The following CASD1 variants were observed in gnomAD, a reference collection of about 807,000 sequenced individuals.
CASD1 encodes the protein N-acetylneuraminate (7)9-O-acetyltransferase.
Under a neutral mutation model 100.0 loss-of-function variants are expected in CASD1, and 41 were observed. The observed-to-expected ratio is 0.41, with a 90% CI of 0.32 to 0.53. CASD1 has a LOEUF of 0.53. Among genes scored for constraint, CASD1 ranks in the 20% least tolerant of loss-of-function variants. The probability of loss-of-function intolerance (pLI) is 0.25; values close to 1 mark genes in which losing one functional copy is unlikely to be tolerated. For missense variants in CASD1, 774 were observed against 948.7 expected (o/e 0.82, Z 2.42); for synonymous variants, 321 against 315.6 (o/e 1.02, Z -0.18).
chr7:94,619,238 G>T, the CASD1 span: 1 of 283,924 alleles, frequency 3.5e-6, no homozygotes, highest in Non-Finnish European at 6.6e-6. Context: ...ACTAAGAAAA[G>T]CTAAATCTAC....
At chr7:94,518,964 T>A (rs189501173) in intron 3 of CASD1, among the ~76,000 whole-genome samples, 19 of 152,250 alleles carry the variant, frequency 1.2e-4, no homozygotes, top group Admixed American at 1.1e-3. Context: ...ATTCAAATAT[T>A]AGGTTAAAGA....
the CASD1 span, among the ~76,000 whole-genome samples, chr7:94,592,051 T>C: frequency 2.6e-5 from 4 of 152,188 alleles, no homozygotes; most frequent in African/African-American, 7.2e-5. Flanking sequence ...CATCCCCTGA[T>C]TGGGTACAAC....
At chr7:94,527,960 A>G (rs1220721889) in intron 4 of CASD1, among the ~76,000 whole-genome samples, 1 of 152,184 alleles carries the variant, frequency 6.6e-6, no homozygotes, top group African/African-American at 2.4e-5. Context: ...TAAGTTTTTA[A>G]AAGATTGCTC....
the CASD1 span, among the ~76,000 whole-genome samples, chr7:94,564,569 A>T: frequency 1.3e-5 from 2 of 152,202 alleles, no homozygotes; most frequent in African/African-American, 4.8e-5. Flanking sequence ...AATTCCAATT[A>T]TACATTCAGG....
chr7:94,615,367 TAGATAGATAGA>T, the CASD1 span, among the ~76,000 whole-genome samples: 1 of 1,624 alleles, frequency 6.2e-4, no homozygotes, highest in Non-Finnish European at 1.0e-3. Context: ...TCAAAATAAA[TAGATAGATAGA>T]TAGATAGATA....
chr7:94,526,373 C>A (rs1794566190), intron 3 of CASD1, among the ~76,000 whole-genome samples: 2 of 152,216 alleles, frequency 1.3e-5, no homozygotes, highest in African/African-American at 4.8e-5. Context: ...TTGGGAAATT[C>A]AGCCTGGAAG....
the CASD1 span, among the ~76,000 whole-genome samples, chr7:94,594,154 C>T: frequency 4.6e-5 from 7 of 151,928 alleles, no homozygotes; most frequent in South Asian, 2.1e-4. Context: ...TGAGGTACAC[C>T]GGTCAAATAC....
the CASD1 span, chr7:94,598,265 C>T: frequency 1.1e-5 from 2 of 177,862 alleles, no homozygotes; most frequent in Non-Finnish European, 2.4e-5. Flanking sequence ...AAGGTTTGCA[C>T]TAATAAAATA....
the CASD1 span, among the ~76,000 whole-genome samples, chr7:94,606,775 C>T: frequency 2.0e-5 from 3 of 151,956 alleles, no homozygotes; most frequent in South Asian, 2.1e-4. Context: ...TCTCAGACCC[C>T]GGTAGAATTA....
the CASD1 span, among the ~76,000 whole-genome samples, chr7:94,632,469 A>G: frequency 3.6e-4 from 55 of 152,236 alleles, no homozygotes; most frequent in South Asian, 2.1e-3. Flanking sequence ...CCTTTCAGCA[A>G]TCTGCTGAAC....
chr7:94,544,510 G>A lies in CASD1; in HGVS notation c.1456G>A (p.Gly486Arg). 21 of 1,612,614 alleles carry A rather than the reference G, an allele frequency of 1.3e-5. No individual in the cohort carries two copies. Among genetic ancestry groups the A allele is most frequent in the Non-Finnish European group, 1.7e-5 (20 of 1,179,208 alleles). Residue 486 changes from glycine (G) to arginine (R), a missense_variant, in exon 11 of 18, where the codon GGA becomes AGA. Gly to Arg is a moderately radical substitution (Grantham distance 125). This residue lies in a region of CASD1 where 453 missense variants were observed against 532.6 expected (regional missense o/e 0.85). Transcript: ENST00000297273. ...FSYFWIKGDF[G>R]IYRVCQVLFR... ...ATACTTTTGGATAAAAGGAGATTTT[G>A]GAATCTATAGAGTATGTCAGGTAGG...
chr7:94,574,691 C>T, the CASD1 span, among the ~76,000 whole-genome samples: 1 of 151,704 alleles, frequency 6.6e-6, no homozygotes, highest in Non-Finnish European at 1.5e-5. Context: ...AATTCCTGAG[C>T]CGGGTGTGGT....
At chr7:94,533,846 G>A in intron 7 of CASD1, 44 bp downstream of exon 7, 1 of 1,466,794 alleles carries the variant, frequency 6.8e-7, no homozygotes, top group Non-Finnish European at 9.1e-7. Context: ...TGTATATTTT[G>A]AAGCATGGGT....
chr7:94,586,282 T>C, the CASD1 span, among the ~76,000 whole-genome samples: 2 of 152,074 alleles, frequency 1.3e-5, no homozygotes, highest in African/African-American at 4.8e-5. Context: ...TGTAGCTGCC[T>C]CTATGCAGTA....
the CASD1 span, chr7:94,603,473 C>A: frequency 1.2e-6 from 2 of 1,609,788 alleles, no homozygotes; most frequent in Non-Finnish European, 1.7e-6. Context: ...GTGAAACTCT[C>A]AGGTTATCCT....
At position 94,537,787 on chromosome 7, in the gene CASD1, G is replaced by A. The variant is rs1562942676; in HGVS notation, c.1159G>A (p.Ala387Thr). 6.2e-7 allele frequency: 1 copy of A among 1,612,736 alleles called. No individual in the cohort carries two copies. The highest frequency in any genetic ancestry group is 1.3e-5 in the African/African-American group (1 of 74,838). ...IMAYFYMCDRANLFMKENKFY... is the reference protein window; with the variant it reads ...IMAYFYMCDRTNLFMKENKFY... The stretch of plus-strand genomic sequence containing the variant: ...GGCATATTTCTATATGTGTGACCGT[G>A]CAAATCTGTTCATGAAGGAAAACAA... Residue 387 changes from alanine to threonine, a missense_variant, in exon 9 of 18, where the codon GCA becomes ACA. Ala to Thr is a moderately conservative substitution (Grantham distance 58). Around this residue, in one of 5 missense-constraint regions of CASD1, gnomAD observed 453 missense variants for 532.6 expected, o/e 0.85. Transcript: ENST00000297273.
intron 16 of CASD1, 27 bp from the exon 17 acceptor site, chr7:94,554,456 A>G: frequency 2.9e-6 from 4 of 1,381,094 alleles, no homozygotes; most frequent in Non-Finnish European, 3.1e-6. Flanking sequence ...GAGATTATTA[A>G]TATTTGCTTT....
chr7:94,632,969 A>G, the CASD1 span, among the ~76,000 whole-genome samples: 2 of 152,062 alleles, frequency 1.3e-5, no homozygotes, highest in Admixed American at 6.6e-5. Flanking sequence ...CCATAAGCTT[A>G]AAGCATGTTG....
At chr7:94,559,595 G>A (rs1478948618), downstream of CASD1, among the ~76,000 whole-genome samples, 2 of 151,882 alleles carry the variant, frequency 1.3e-5, no homozygotes, top group African/African-American at 4.8e-5. Context: ...GCGCAATCTC[G>A]GCTCACTGCA....
Sources: gnomAD v4.1 joint callset for allele counts (sites outside exome capture counted in the v4.1 genomes callset) on GRCh38, gnomAD v4.1.1 for gene constraint, gnomAD v4.1.1 regional missense constraint, MANE v1.5 for transcripts, NCBI Gene and HGNC (gene_info 2026-07-23, HGNC 2026-07-21) for gene names.